Variants in PROSER1 observed in about 807,000 individuals in gnomAD.
The protein encoded by PROSER1 is proline and serine-rich protein 1.
PROSER1 carries 36 observed loss-of-function variants against 71.8 expected under a neutral mutation model. The ratio of observed to expected loss-of-function variants is 0.50; its 90% CI spans 0.38 to 0.66. The LOEUF (loss-of-function observed/expected upper bound fraction) is 0.66, where lower values mean the gene tolerates loss of function less well. Ranked by LOEUF, PROSER1 falls within the 30% of genes least tolerant of loss-of-function variation. The pLI is 0.00. For synonymous variants in PROSER1, 490 were observed against 452.4 expected (o/e 1.08, Z -1.06); for missense variants, 1,107 against 1,135.0 (o/e 0.98, Z 0.35).
Position 39,013,815 on chromosome 13 carries a change from A to G in PROSER1, c.1437T>C (p.Asn479=), listed in dbSNP as rs1869841029. The G allele has an allele frequency of 1.9e-6, 3 of 1,614,224 alleles. No homozygotes were observed. Among genetic ancestry groups the G allele is most frequent in the African/African-American group, 2.7e-5 (2 of 75,048 alleles). Residue 479 remains asparagine (N), a synonymous_variant, in exon 11 of 13, where the codon AAT becomes AAC. Transcript: ENST00000352251. ...LSALKGFLTS[N]DTNLINSSAL... ...CAGAGGAGTTGATTAAATTGGTGTC[A>G]TTGGATGTCAGAAAACCTTTTAACG...
intron 7 of PROSER1, among the ~76,000 whole-genome samples, chr13:39,024,106 T>C (rs1475918062): frequency 6.6e-6 from 1 of 152,198 alleles, no homozygotes; most frequent in Non-Finnish European, 1.5e-5. Context: ...TTATAATCAC[T>C]ATCTTGTAAA....
At chr13:39,022,523 A>T (rs538058830) in intron 8 of PROSER1, 111 bp from the exon 9 acceptor site, 96 of 703,248 alleles carry the variant, frequency 1.4e-4, no homozygotes, top group Non-Finnish European at 2.2e-4. Flanking sequence ...AATTTATTAT[A>T]AAAACTCCTA....
In PROSER1 at chr13:39,009,872, A is replaced by G. The variant is rs1869553980; in HGVS notation, c.*1493T>C. On this transcript the variant is annotated 3_prime_UTR_variant, in exon 13 of 13. Coordinates refer to ENST00000352251, the MANE Select transcript of PROSER1 (RefSeq NM_025138.5). ...TATATAAAAAACACAATATAATCTT[A>G]AAAGAAGTTTTATGGGTATAGATTT... The G allele has an allele frequency of 6.6e-6, 1 of 152,640 alleles. No homozygotes were observed. Among genetic ancestry groups the G allele is most frequent in the Non-Finnish European group, 1.5e-5 (1 of 68,018 alleles). The allele number at this position is 152,640 out of a possible 1,614,324, so 9.5% of individuals were successfully genotyped here. A position where few individuals can be genotyped will look rare whatever the true frequency, so the allele number is the denominator to read the frequency against.
intron 6 of PROSER1, 40 bp downstream of exon 6, chr13:39,026,237 C>G: frequency 1.6e-6 from 2 of 1,261,640 alleles, no homozygotes; most frequent in Non-Finnish European, 2.3e-6. Flanking sequence ...TCATACTTAA[C>G]CATGAGAAGT....
chr13:39,014,142 A>G lies in PROSER1; in HGVS notation c.1110T>C (p.Gly370=). ...SIFSGLVSLP[G]PSATPTAATP... Reference sequence around the variant, plus strand: ...TGGCTGCGGTAGGAGTGGCAGAAGGACCTGGCAGTGACACTAGGCCAGAAA... The same window carrying G: ...TGGCTGCGGTAGGAGTGGCAGAAGGGCCTGGCAGTGACACTAGGCCAGAAA... The change falls in exon 11 of 13, where the codon GGT becomes GGC. Residue 370 remains glycine (G), a synonymous_variant. Coordinates refer to ENST00000352251, the MANE Select transcript of PROSER1 (RefSeq NM_025138.5). The G allele has an allele frequency of 6.2e-7, 1 of 1,614,122 alleles. No individual in the cohort carries two copies. Among genetic ancestry groups the G allele is most frequent in the Non-Finnish European group, 8.5e-7 (1 of 1,180,020 alleles).
At chr13:39,028,580 C>A (rs532583746) in intron 4 of PROSER1, among the ~76,000 whole-genome samples, 3 of 152,116 alleles carry the variant, frequency 2.0e-5, no homozygotes, top group South Asian at 4.1e-4. Flanking sequence ...TCAAAATATA[C>A]TTTCTTCAGT....
rs1405988508 is a variant in PROSER1, at chr13:39,011,329, G to A, written c.*36C>T. 5 of 1,607,208 alleles carry A rather than the reference G, an allele frequency of 3.1e-6. No homozygotes were observed. The highest frequency in any genetic ancestry group is 3.4e-6 in the Non-Finnish European group (4 of 1,174,992). ...TTCATTGCAGTTCTCAGGCAATTCT[G>A]ATGTTGCTCTGAAGGAGAATAAAAG... On this transcript the variant is annotated 3_prime_UTR_variant, in exon 13 of 13. Coordinates refer to ENST00000352251, the MANE Select transcript of PROSER1 (RefSeq NM_025138.5).
intron 1 of PROSER1, among the ~76,000 whole-genome samples, chr13:39,034,783 A>C (rs544997936): frequency 3.3e-5 from 5 of 152,242 alleles, no homozygotes; most frequent in African/African-American, 1.2e-4. Flanking sequence ...CCTCATTCAT[A>C]GAGGGAACAC....
chr13:39,031,149 C>A (rs1046400086), intron 3 of PROSER1, among the ~76,000 whole-genome samples: 1 of 152,188 alleles, frequency 6.6e-6, no homozygotes, highest in Admixed American at 6.5e-5. Context: ...TATAGTTCCT[C>A]AGATGAGGCA....
In PROSER1 at chr13:39,032,467, A is replaced by G. The variant is rs115861437; in HGVS notation, c.112-836T>C. 4.3e-3 allele frequency among the ~76,000 whole-genome samples: 653 copies of G among 152,324 alleles called. 9 individuals are homozygous for G. The highest frequency in any genetic ancestry group is 0.015 in the African/African-American group (632 of 41,572). On this transcript the variant is annotated intron_variant, in intron 2 of 12. Coordinates refer to ENST00000352251, the MANE Select transcript of PROSER1 (RefSeq NM_025138.5). The stretch of plus-strand genomic sequence containing the variant: ...TGACTGCCTCCAAAGATGCTCCAAA[A>G]GGGGAAAAAAGTGATACAAGAAGAC...
chr13:39,029,860 A>C (rs78822979), intron 3 of PROSER1, among the ~76,000 whole-genome samples: 5,081 of 152,310 alleles, frequency 0.033, 119 homozygotes, highest in South Asian at 0.1. Context: ...AAGCTGGGTT[A>C]AACAGGTTTC....
intron 6 of PROSER1, 138 bp downstream of exon 6, chr13:39,026,139 C>G (rs1242074459): frequency 1.8e-6 from 1 of 570,634 alleles, no homozygotes; most frequent in Non-Finnish European, 3.1e-6. Context: ...GAAGTTTAGA[C>G]ATGAACTTTC....
intron 7 of PROSER1, 129 bp downstream of exon 7, chr13:39,024,344 C>T (rs1870441283): frequency 1.5e-6 from 1 of 651,636 alleles, no homozygotes; most frequent in Middle Eastern, 2.6e-4. Flanking sequence ...TCCATTCACT[C>T]TCTCACTCTC....
chr13:39,028,088 G>A (rs530195020), intron 5 of PROSER1, 139 bp downstream of exon 5: 16 of 536,324 alleles, frequency 3.0e-5, no homozygotes, highest in African/African-American at 9.7e-5. Context: ...GCCGCAGACC[G>A]CAGGGATGTT....
intron 9 of PROSER1, among the ~76,000 whole-genome samples, chr13:39,019,548 A>C (rs2138110960): frequency 6.7e-6 from 1 of 150,290 alleles, no homozygotes; most frequent in South Asian, 2.1e-4. Flanking sequence ...AAAGGGAGAG[A>C]ATATGGAAGT....
intron 5 of PROSER1, among the ~76,000 whole-genome samples, chr13:39,026,810 T>C (rs940787063): frequency 6.6e-6 from 1 of 152,128 alleles, no homozygotes; most frequent in African/African-American, 2.4e-5. Flanking sequence ...GTGGAGGACA[T>C]CATAAACAAG....
At chr13:39,036,135 T>G (rs1871088487) in intron 1 of PROSER1, among the ~76,000 whole-genome samples, 1 of 152,206 alleles carries the variant, frequency 6.6e-6, no homozygotes, top group Non-Finnish European at 1.5e-5. Context: ...CAAGAACAAA[T>G]TGTGACAAAT....
chr13:39,018,384 T>C (rs936987984), intron 9 of PROSER1, among the ~76,000 whole-genome samples: 1 of 151,810 alleles, frequency 6.6e-6, no homozygotes, highest in African/African-American at 2.4e-5. Context: ...CACAGCTTGT[T>C]TGAGGAATTC....
In PROSER1 at chr13:39,011,471, G is replaced by C; in HGVS notation, c.2729C>G (p.Ala910Gly). 1 of 1,614,034 alleles carries C rather than the reference G, an allele frequency of 6.2e-7. No individual in the cohort carries two copies. The highest frequency in any genetic ancestry group is 1.3e-5 in the African/African-American group (1 of 75,042). Reference sequence around the variant, plus strand: ...AGGCTGAGCTGGATAGCTTTCCAGAGCCGAAGCTGAATGGACCTGATGGAA... The same window carrying C: ...AGGCTGAGCTGGATAGCTTTCCAGACCCGAAGCTGAATGGACCTGATGGAA... The part of the protein sequence containing the change: ...ALLQQVHSAS[A>G]LESYPAQPDG... The change falls in exon 13 of 13, where the codon GCT (alanine) becomes GGT (glycine). Residue 910 changes from alanine (A) to glycine (G), a missense_variant. Ala to Gly is a moderately conservative substitution (Grantham distance 60). Transcript: ENST00000352251.
Sources: gnomAD v4.1 joint callset for allele counts (sites outside exome capture counted in the v4.1 genomes callset) on GRCh38, gnomAD v4.1.1 for gene constraint, MANE v1.5 for transcripts, NCBI Gene and HGNC (gene_info 2026-07-23, HGNC 2026-07-21) for gene names.